Variants in GUCY1A1 observed in about 807,000 individuals in gnomAD.
GUCY1A1 encodes guanylate cyclase soluble subunit alpha-1.
In GUCY1A1, 48 loss-of-function variants were observed where a neutral mutation model predicts 64.5. That is an observed-to-expected ratio of 0.74 (90% confidence interval 0.59 to 0.95). The LOEUF is 0.95. GUCY1A1 is among the 40% of genes least tolerant of loss of function. GUCY1A1 has a pLI of 0.00. For missense variants in GUCY1A1, 804 were observed against 825.3 expected, an observed-to-expected ratio of 0.97 and a Z score of 0.32; for synonymous variants, 308 against 303.4, an observed-to-expected ratio of 1.02 and a Z score of -0.16.
At chr4:155,723,277 T>C (rs1452341995) in intron 9 of GUCY1A1, among the ~76,000 whole-genome samples, 1 of 152,154 alleles carries the variant, frequency 6.6e-6, no homozygotes, top group Non-Finnish European at 1.5e-5. Context: ...TTTTCAAAGA[T>C]TGCAGTTTTA....
In GUCY1A1 at chr4:155,710,986, C is replaced by T. The variant is rs760929543; in HGVS notation, c.821C>T (p.Ser274Leu). The change falls in exon 6 of 10, where the codon TCG becomes TTG. Residue 274 changes from serine (S) to leucine (L), a missense_variant. Physicochemically the swap from Ser to Leu is moderately radical, Grantham distance 145 (BLOSUM62 -2). Coordinates refer to ENST00000506455, the MANE Select transcript of GUCY1A1 (RefSeq NM_001130682.3). ...CTGTCCCCCAGCAAACCCCAGTCCT[C>T]GCTGGTGATTCCCACATCGCTATTC... is the stretch of plus-strand genomic sequence containing the variant. ...PSLSPSKPQS[S>L]LVIPTSLFCK... The T allele has an allele frequency of 3.7e-6, 6 of 1,613,436 alleles. No homozygotes were observed. In the East Asian group the frequency reaches 6.7e-5, roughly 18 times the overall value.
chr4:155,705,883 C>T (rs551372213), intron 4 of GUCY1A1, among the ~76,000 whole-genome samples: 16 of 152,256 alleles, frequency 1.1e-4, no homozygotes, highest in Non-Finnish European at 1.5e-4. Flanking sequence ...TTTGTTTACA[C>T]GAGTAACATG....
In GUCY1A1 at chr4:155,697,049, A is replaced by C; in HGVS notation, c.182A>C (p.Gln61Pro). ...AAGAACATACAAGAAAGTCTTCCTCAAAGAAAAACCAGTCGGAGCCGAGTC... is the reference window on the plus strand; with the variant it reads ...AAGAACATACAAGAAAGTCTTCCTCCAAGAAAAACCAGTCGGAGCCGAGTC... ...PEKNIQESLP[Q>P]RKTSRSRVYL... Residue 61 changes from glutamine to proline, a missense_variant, in exon 3 of 10, where the codon CAA becomes CCA. Gln to Pro is a moderately conservative substitution (Grantham distance 76, BLOSUM62 -1). Coordinates refer to ENST00000506455, the MANE Select transcript of GUCY1A1 (RefSeq NM_001130682.3). 6.2e-7 allele frequency: 1 copy of C among 1,613,498 alleles called. No homozygotes were observed. Among genetic ancestry groups the C allele is most frequent in the Non-Finnish European group, 8.5e-7 (1 of 1,179,444 alleles).
Position 155,713,283 on chromosome 4 carries a change from C to G in GUCY1A1, c.1272C>G (p.Gly424=). 1 of 1,614,072 alleles carries G rather than the reference C, an allele frequency of 6.2e-7. No homozygotes were observed. Among genetic ancestry groups the G allele is most frequent in the Non-Finnish European group, 8.5e-7 (1 of 1,179,986 alleles). Residue 424 remains glycine, a synonymous_variant, in exon 7 of 10, where the codon GGC becomes GGG. Coordinates refer to ENST00000506455, the MANE Select transcript of GUCY1A1 (RefSeq NM_001130682.3). ...GGGAACAAGCCCGAGCTCAAGATGG[C>G]CTGAAGAAGAGGCTGGGGAAGCTGA... ...LIGEQARAQD[G]LKKRLGKLKA...
chr4:155,698,384 G>A (rs1175936416), intron 3 of GUCY1A1, among the ~76,000 whole-genome samples: 2 of 152,288 alleles, frequency 1.3e-5, no homozygotes, highest in Non-Finnish European at 2.9e-5. Flanking sequence ...CATTGGCTAG[G>A]ATAAAGGATA....
rs531927795 is a variant in GUCY1A1 at position 155,732,581 on chromosome 4, C to A, written c.*2350C>A. Among the ~76,000 whole-genome samples the A allele has an allele frequency of 2.0e-5, 3 of 151,914 alleles. No homozygotes were observed. The highest frequency in any genetic ancestry group is 1.3e-4 in the Admixed American group (2 of 15,226). ...AGCGAGAAACTTTTCAGATCCAGAC[C>A]ACTGATGGTAGCCAGAGTAGAGACC... On this transcript the variant is annotated 3_prime_UTR_variant, in exon 10 of 10. Transcript: ENST00000506455.
chr4:155,670,464 C>T (rs568561861), intron 2 of GUCY1A1, among the ~76,000 whole-genome samples: 1 of 152,236 alleles, frequency 6.6e-6, no homozygotes, highest in East Asian at 1.9e-4. Context: ...TCTTTCAGAA[C>T]ATTTTGAAAT....
At chr4:155,670,667 C>T (rs1292030927) in intron 2 of GUCY1A1, among the ~76,000 whole-genome samples, 2 of 152,188 alleles carry the variant, frequency 1.3e-5, no homozygotes, top group Non-Finnish European at 2.9e-5. Context: ...TTGAGGGACT[C>T]TGGAGCAGGC....
At position 155,713,304 on chromosome 4, in the gene GUCY1A1, G is replaced by T. The variant is rs1732824316; in HGVS notation, c.1293G>T (p.Lys431Asn). The T allele has an allele frequency of 1.2e-6, 2 of 1,614,204 alleles. No individual in the cohort carries two copies. Among genetic ancestry groups the T allele is most frequent in the East Asian group, 4.5e-5 (2 of 44,878 alleles). Residue 431 changes from lysine to asparagine, a missense_variant, in exon 7 of 10, where the codon AAG becomes AAT. Coordinates refer to ENST00000506455, the MANE Select transcript of GUCY1A1 (RefSeq NM_001130682.3). The part of the protein sequence containing the change: ...AQDGLKKRLG[K>N]LKATLEQAHQ... ...ATGGCCTGAAGAAGAGGCTGGGGAA[G>T]CTGAAGGCTACCCTTGAGCAAGCCC...
chr4:155,692,139 A>G (rs1177014989), intron 2 of GUCY1A1, among the ~76,000 whole-genome samples: 2 of 152,112 alleles, frequency 1.3e-5, no homozygotes. Flanking sequence ...TCTTTTTTAT[A>G]ACTACATATT....
In GUCY1A1 at chr4:155,735,378, T is replaced by C. The variant is rs1485249787; in HGVS notation, c.*5147T>C. On this transcript the variant is annotated 3_prime_UTR_variant, in exon 10 of 10. Transcript: ENST00000506455. ...CTTCTTTTATCACCAGTGCAGTTTT[T>C]TCCATCATCATAAACTTAGTTTTAT... 6.6e-6 allele frequency: 1 copy of C among 151,998 alleles called. No individual in the cohort carries two copies. The highest frequency in any genetic ancestry group is 2.4e-5 in the African/African-American group (1 of 41,418). 9.4% of individuals were successfully genotyped at this position (151,998 alleles called of 1,614,324 possible). A position where few individuals can be genotyped will look rare whatever the true frequency, so the allele number is the denominator to read the frequency against.
At chr4:155,721,554 G>C (rs907061006) in intron 8 of GUCY1A1, among the ~76,000 whole-genome samples, 10 of 152,064 alleles carry the variant, frequency 6.6e-5, no homozygotes, top group Non-Finnish European at 8.8e-5. Context: ...ATAGTGTTTG[G>C]TATAAAGCTA....
intron 2 of GUCY1A1, among the ~76,000 whole-genome samples, chr4:155,668,900 C>T (rs1733744380): frequency 6.6e-6 from 1 of 151,996 alleles, no homozygotes; most frequent in African/African-American, 2.4e-5. Context: ...TTCAAGGGGC[C>T]GTGAAGTCCC....
chr4:155,694,469 A>T (rs983510968), intron 2 of GUCY1A1, among the ~76,000 whole-genome samples: 4 of 152,218 alleles, frequency 2.6e-5, no homozygotes, highest in African/African-American at 9.6e-5. Flanking sequence ...GAGTGACTAG[A>T]GGAGATGAGG....
At chr4:155,692,476 T>C (rs928280797) in intron 2 of GUCY1A1, among the ~76,000 whole-genome samples, 39 of 152,248 alleles carry the variant, frequency 2.6e-4, no homozygotes, top group African/African-American at 8.4e-4. Flanking sequence ...TTTTTTGACT[T>C]TGTAATAATA....
At chr4:155,714,308 A>G (rs1262459786) in intron 7 of GUCY1A1, among the ~76,000 whole-genome samples, 1 of 152,232 alleles carries the variant, frequency 6.6e-6, no homozygotes, top group East Asian at 1.9e-4. Context: ...ATTATCTCCC[A>G]TAATCTTCAT....
chr4:155,727,383 A>T (rs2126997243), intron 9 of GUCY1A1, among the ~76,000 whole-genome samples: 1 of 152,092 alleles, frequency 6.6e-6, no homozygotes, highest in Middle Eastern at 3.4e-3. Flanking sequence ...TATTCAGAAG[A>T]CATGCCTTAG....
rs531535681 is a variant in GUCY1A1, at chr4:155,699,068, G to GATTT, written c.255+1967_255+1970dup. Among the ~76,000 whole-genome samples the GATTT allele has an allele frequency of 4.2e-4, 64 of 151,762 alleles. No homozygotes were observed. The South Asian group carries it at 8.5e-3, about 20-fold the overall frequency. ...CATTTCTTTAGGGCTGGTTACTGTAGATTTATTTATTTATTTATTTATTTG... is the reference window on the plus strand; with the variant it reads ...CATTTCTTTAGGGCTGGTTACTGTAGATTTATTTATTTATTTATTTATTTATTTG... On this transcript the variant is annotated intron_variant, in intron 3 of 9. Transcript: ENST00000506455.
At chr4:155,698,251 C>T (rs1034426121) in intron 3 of GUCY1A1, among the ~76,000 whole-genome samples, 2 of 142,156 alleles carry the variant, frequency 1.4e-5, no homozygotes, top group Non-Finnish European at 3.1e-5. Context: ...ATAAATTAGA[C>T]TTAGCAGAAA....
Sources: allele counts gnomAD v4.1 joint callset (sites outside exome capture counted in the v4.1 genomes callset), GRCh38; gene constraint gnomAD v4.1.1; transcripts MANE v1.5; gene names NCBI Gene and HGNC (gene_info 2026-07-23, HGNC 2026-07-21).